UTS2B: variants seen among roughly 807,000 people sequenced by gnomAD.
The protein encoded by UTS2B is urotensin-2B.
A neutral mutation model predicts 19.2 loss-of-function variants in UTS2B; 21 were observed. The observed-to-expected ratio is 1.09, with a 90% CI of 0.78 to 1.58. The LOEUF (loss-of-function observed/expected upper bound fraction) is 1.58. Among genes scored for constraint, UTS2B ranks in the 40% most tolerant of loss-of-function variants. The pLI is 0.00. For missense variants in UTS2B, 138 were observed against 130.3 expected (o/e 1.06, Z -0.29); for synonymous variants, 57 against 50.2 (o/e 1.14, Z -0.58).
chr3:191,325,331 T>A (rs1002762545), intron 2 of UTS2B, among the ~76,000 whole-genome samples: 2 of 138,562 alleles, frequency 1.4e-5, no homozygotes, highest in East Asian at 4.9e-4. Flanking sequence ...AAAAAGGCAA[T>A]AAGATAAAAA....
At chr3:191,281,868 G>T (rs1179348644) in intron 5 of UTS2B, among the ~76,000 whole-genome samples, 1 of 151,752 alleles carries the variant, frequency 6.6e-6, no homozygotes, top group East Asian at 1.9e-4. Flanking sequence ...GTGCAATATT[G>T]GGTAAAATTA....
intron 2 of UTS2B, among the ~76,000 whole-genome samples, chr3:191,325,607 C>CA (rs1178565360): frequency 6.6e-6 from 1 of 152,154 alleles, no homozygotes; most frequent in East Asian, 1.9e-4. Flanking sequence ...AGAGTCCAGA[C>CA]AAAAATGCTT....
At chr3:191,330,389 C>T (rs1717939112) in intron 1 of UTS2B, 25 bp downstream of exon 1, 1 of 152,572 alleles carries the variant, frequency 6.6e-6, no homozygotes, top group African/African-American at 2.4e-5. Context: ...TACCAATGTC[C>T]AGGAAAGTAG....
chr3:191,292,657 T>C (rs549128655), intron 4 of UTS2B, among the ~76,000 whole-genome samples: 1 of 152,334 alleles, frequency 6.6e-6, no homozygotes, highest in South Asian at 2.1e-4. Flanking sequence ...TTTTCCTACC[T>C]AATTGTCCTG....
chr3:191,283,980 T>G (rs1013007418), intron 4 of UTS2B, among the ~76,000 whole-genome samples: 1 of 152,080 alleles, frequency 6.6e-6, no homozygotes, highest in Non-Finnish European at 1.5e-5. Flanking sequence ...TGTCATGTGA[T>G]GTAGAGAGAA....
intron 8 of UTS2B, among the ~76,000 whole-genome samples, chr3:191,270,919 C>T (rs1716074148): frequency 6.6e-6 from 1 of 152,032 alleles, no homozygotes; most frequent in African/African-American, 2.4e-5. Context: ...AAAAAACTGT[C>T]AAAGGGCCAG....
In UTS2B at chr3:191,329,300, C is replaced by G. The variant is rs1339000219; in HGVS notation, c.-664-591G>C. ...CTGATCTTCGCTCGCCAGCCACTCG[C>G]AATTGCGGTTACAGACCTGCAGCTC... On this transcript the variant is annotated intron_variant, in intron 1 of 8. Transcript: ENST00000340524. 3 of 214,578 alleles carry G rather than the reference C, an allele frequency of 1.4e-5. No homozygotes were observed. The Admixed American group carries it at 1.8e-4, about 13-fold the overall frequency. 13.3% of individuals were successfully genotyped at this position (214,578 alleles called of 1,614,324 possible).
chr3:191,276,487 T>C (rs1383419609), intron 7 of UTS2B, among the ~76,000 whole-genome samples: 2 of 152,168 alleles, frequency 1.3e-5, no homozygotes, highest in African/African-American at 4.8e-5. Flanking sequence ...ATTTACAGCC[T>C]CCCATTCTAC....
At chr3:191,273,344 G>A (rs1716142056) in intron 8 of UTS2B, 1 of 394,592 alleles carries the variant, frequency 2.5e-6, no homozygotes, top group African/African-American at 2.1e-5. Context: ...GATAGAGGCA[G>A]TGCTCACCAA....
intron 6 of UTS2B, 111 bp downstream of exon 6, chr3:191,277,959 TAA>T (rs903592481): frequency 2.6e-5 from 15 of 575,500 alleles, no homozygotes; most frequent in Non-Finnish European, 4.5e-5. Context: ...GTGTAGCATA[TAA>T]AAGAGTAATT....
At chr3:191,281,905 A>G (rs940225863) in intron 5 of UTS2B, among the ~76,000 whole-genome samples, 182 bp downstream of exon 5, 1 of 152,124 alleles carries the variant, frequency 6.6e-6, no homozygotes, top group Non-Finnish European at 1.5e-5. Flanking sequence ...TCTACTTGAA[A>G]AGAACAGCAT....
intron 4 of UTS2B, among the ~76,000 whole-genome samples, chr3:191,299,025 G>A (rs1716926531): frequency 6.6e-6 from 1 of 152,184 alleles, no homozygotes; most frequent in African/African-American, 2.4e-5. Flanking sequence ...AAGCAGTAAA[G>A]CATCCAAGAT....
In UTS2B at chr3:191,298,240, A is replaced by T. The variant is rs1040072096; in HGVS notation, c.-125+6252T>A. The stretch of plus-strand genomic sequence containing the variant: ...ATGTATACATTGAATTCCAAAAAAA[A>T]CAGTCACTGCTTTAACTTGGAGATA... On this transcript the variant is annotated intron_variant, in intron 4 of 8. Transcript: ENST00000340524. Among the ~76,000 whole-genome samples, 5 of 152,136 alleles carry T rather than the reference A, an allele frequency of 3.3e-5. No homozygotes were observed. The South Asian group carries it at 1.0e-3, about 31-fold the overall frequency.
intron 3 of UTS2B, among the ~76,000 whole-genome samples, chr3:191,307,114 A>G (rs995480070): frequency 6.6e-6 from 1 of 152,224 alleles, no homozygotes; most frequent in African/African-American, 2.4e-5. Context: ...AGAAACAGCA[A>G]TATTCACTCC....
intron 6 of UTS2B, among the ~76,000 whole-genome samples, chr3:191,277,422 A>G (rs1031990902): frequency 1.3e-5 from 2 of 152,082 alleles, no homozygotes; most frequent in Non-Finnish European, 2.9e-5. Flanking sequence ...ACATGTTTAG[A>G]TTACTTCAGA....
chr3:191,303,787 G>A (rs1414015029), intron 4 of UTS2B, among the ~76,000 whole-genome samples: 2 of 152,168 alleles, frequency 1.3e-5, no homozygotes, highest in African/African-American at 4.8e-5. Context: ...ACAGTACAAT[G>A]AACAGTTGTC....
chr3:191,342,161 T>C, the UTS2B span, among the ~76,000 whole-genome samples: 1 of 152,222 alleles, frequency 6.6e-6, no homozygotes, highest in African/African-American at 2.4e-5. Context: ...TGTTCCTAAC[T>C]TTTGATTTCC....
At chr3:191,334,038 G>A (rs1718067458), upstream of UTS2B, among the ~76,000 whole-genome samples, 1 of 152,024 alleles carries the variant, frequency 6.6e-6, no homozygotes, top group Admixed American at 6.6e-5. Context: ...TTGTGTTTTT[G>A]ATTTTTACTT....
chr3:191,330,572 C>T (rs1006019968), upstream of UTS2B: 1 of 152,172 alleles, frequency 6.6e-6, no homozygotes, highest in African/African-American at 2.4e-5. Context: ...GAAGCATAGA[C>T]GTTCCAGAGT....
Sources: gnomAD v4.1 joint callset for allele counts (sites outside exome capture counted in the v4.1 genomes callset) on GRCh38, gnomAD v4.1.1 for gene constraint, MANE v1.5 for transcripts, NCBI Gene and HGNC (gene_info 2026-07-23, HGNC 2026-07-21) for gene names.